Variants in ZNF596 observed in about 807,000 individuals in gnomAD.
ZNF596 encodes zinc finger protein 596.
A neutral mutation model predicts 48.3 loss-of-function variants in ZNF596; 45 were observed. That is an observed-to-expected ratio of 0.93 (90% CI 0.73 to 1.19). The LOEUF (loss-of-function observed/expected upper bound fraction) is 1.19, where lower values mean the gene tolerates loss of function less well. Ranked by LOEUF, ZNF596 falls within the 50% of genes most tolerant of loss-of-function variation. The pLI, the probability that ZNF596 is intolerant of heterozygous loss-of-function variation, is 0.00. For synonymous variants in ZNF596, 270 were observed against 202.0 expected (o/e 1.34, Z -2.85); for missense variants, 848 against 599.7 (o/e 1.41, Z -4.32).
At position 245,398 on chromosome 8, in the gene ZNF596, C is replaced by T. The variant is rs1797025054; in HGVS notation, c.551C>T (p.Pro184Leu). ...YAFIQNSALR[P>L]HSVTHTREIT... ...TTTATCCAAAACTCTGCCCTTAGAC[C>T]ACACAGTGTGACTCACACTAGAGAG... The change falls in exon 6 of 6, where the codon CCA (proline) becomes CTA (leucine). Residue 184 changes from proline (P) to leucine (L), a missense_variant. Transcript: ENST00000398612. 3 of 1,614,120 alleles carry T rather than the reference C, an allele frequency of 1.9e-6. No individual in the cohort carries two copies. The highest frequency in any genetic ancestry group is 1.3e-5 in the African/African-American group (1 of 75,036).
Position 246,580 on chromosome 8 carries a change from A to G in ZNF596, c.*218A>G. On this transcript the variant is annotated 3_prime_UTR_variant, in exon 6 of 6. Coordinates refer to ENST00000398612, the MANE Select transcript of ZNF596 (RefSeq NM_001042416.3). ...ATACAACGTGAGAGAATGAAACTAT[A>G]GATCAAAGGAATGTGGAGGAGTCTT... 2.1e-6 allele frequency: 1 copy of G among 477,690 alleles called. No individual in the cohort carries two copies. The allele number at this position is 477,690 out of a possible 1,614,324, so 29.6% of individuals were successfully genotyped here.
chr8:245,554 C>G lies in ZNF596; in HGVS notation c.707C>G (p.Ser236Cys), dbSNP rs1364523425. ...HLCGKAFTHCSDLRKHERTHT... is the reference protein window; with the variant it reads ...HLCGKAFTHCCDLRKHERTHT... ...TGTGGGAAAGCCTTTACTCATTGCTCTGATCTTCGAAAACATGAGAGAACT... is the reference window on the plus strand; with the variant it reads ...TGTGGGAAAGCCTTTACTCATTGCTGTGATCTTCGAAAACATGAGAGAACT... The change falls in exon 6 of 6, where the codon TCT becomes TGT. Residue 236 changes from serine to cysteine, a missense_variant. Coordinates refer to ENST00000398612, the MANE Select transcript of ZNF596 (RefSeq NM_001042416.3). The G allele has an allele frequency of 6.2e-7, 1 of 1,614,022 alleles. No homozygotes were observed. Among genetic ancestry groups the G allele is most frequent in the African/African-American group, 1.3e-5 (1 of 75,010 alleles).
chr8:243,834 G>A (rs1178523590), intron 4 of ZNF596, 29 bp downstream of exon 4: 1 of 1,591,590 alleles, frequency 6.3e-7, no homozygotes. Context: ...TGCTTCAATA[G>A]GAGGAGGAGA....
chr8:243,056 TTCAC>T (rs749002628), intron 3 of ZNF596, 43 bp downstream of exon 3: 14 of 1,542,366 alleles, frequency 9.1e-6, no homozygotes, highest in East Asian at 4.6e-5. Context: ...TACGGATTCA[TTCAC>T]TCACTCATTT....
At chr8:240,972 A>C in intron 2 of ZNF596, 65 bp downstream of exon 2, 1 of 1,590,348 alleles carries the variant, frequency 6.3e-7, no homozygotes, top group Non-Finnish European at 8.6e-7. Flanking sequence ...GGGCAGATTC[A>C]TCCTATTAAC....
Position 240,812 on chromosome 8 carries a change from GT to G in ZNF596, c.-72-7del. ...TCATGGTTTTTTTGTTTTTGTTTTT[GT>G]TTTTGCTCAGATTTGTCTTCTTAGT... is the stretch of plus-strand genomic sequence containing the variant. On this transcript the variant is annotated splice_polypyrimidine_tract_variant and intron_variant, in intron 1 of 5. Coordinates refer to ENST00000398612, the MANE Select transcript of ZNF596 (RefSeq NM_001042416.3). The G allele has an allele frequency of 1.3e-6, 2 of 1,568,676 alleles. No homozygotes were observed. The highest frequency in any genetic ancestry group is 1.8e-6 in the Non-Finnish European group (2 of 1,140,406).
In ZNF596 at chr8:240,881, G is replaced by C; in HGVS notation, c.-15G>C. On this transcript the variant is annotated 5_prime_UTR_variant, in exon 2 of 6. Transcript: ENST00000398612. ...GAAAACCCAGAGGAATACATTTGGT[G>C]GCTGAGCTAGTACAATGCCATCACC... is the stretch of plus-strand genomic sequence containing the variant. 6.2e-7 allele frequency: 1 copy of C among 1,614,076 alleles called. No individual in the cohort carries two copies. The highest frequency in any genetic ancestry group is 8.5e-7 in the Non-Finnish European group (1 of 1,179,986).
chr8:243,236 C>T, intron 3 of ZNF596: 1 of 388,268 alleles, frequency 2.6e-6, no homozygotes. Context: ...ATCTTTCTGA[C>T]CACAGTTTCA....
Position 246,084 on chromosome 8 carries a change from C to CA in ZNF596, c.1238dup (p.His413GlnfsTer8), listed in dbSNP as rs1797072664. ...TGACCTCAGACGACATGAGAGAACT[C>CA]ACACTGGAGAAAAACCATATGAATG... On this transcript the variant is annotated frameshift_variant, in exon 6 of 6. Transcript: ENST00000398612. LOFTEE classifies it high-confidence loss of function. The CA allele has an allele frequency of 6.2e-7, 1 of 1,613,596 alleles. No homozygotes were observed. The highest frequency in any genetic ancestry group is 1.7e-5 in the Admixed American group (1 of 60,014).
chr8:232,706 G>C lies in ZNF596; in HGVS notation c.-73+12G>C, dbSNP rs933679912. On this transcript the variant is annotated intron_variant, in intron 1 of 5. Transcript: ENST00000398612. The stretch of plus-strand genomic sequence containing the variant: ...GCGCGCGGCCTCAGGTCCCGATTCG[G>C]CATGTGGCTTGTCTTCCATCGTCCC... 2.5e-6 allele frequency: 1 copy of C among 392,772 alleles called. No homozygotes were observed. Among genetic ancestry groups the C allele is most frequent in the Non-Finnish European group, 5.2e-6 (1 of 193,422 alleles). The allele number at this position is 392,772 out of a possible 1,614,324, so 24.3% of individuals were successfully genotyped here.
chr8:239,364 T>C (rs3008276), intron 1 of ZNF596, among the ~76,000 whole-genome samples: 44,360 of 151,976 alleles, frequency 0.29, 7,230 homozygotes, highest in African/African-American at 0.45. Context: ...AATTTTTGTA[T>C]TTTTAGTAGA....
intron 1 of ZNF596, chr8:237,046 A>C (rs1232091744): frequency 2.0e-5 from 3 of 152,210 alleles, no homozygotes; most frequent in Non-Finnish European, 4.4e-5. Flanking sequence ...TTAAACATTA[A>C]AATTGGCTAA....
chr8:235,223 A>G (rs1296924975), intron 1 of ZNF596, among the ~76,000 whole-genome samples: 2 of 152,244 alleles, frequency 1.3e-5, no homozygotes, highest in African/African-American at 4.8e-5. Context: ...TTGTTCACAG[A>G]ACATCTGTTC....
intron 2 of ZNF596, among the ~76,000 whole-genome samples, chr8:241,145 GT>G (rs143353122): frequency 0.017 from 2,519 of 152,202 alleles, 59 homozygotes; most frequent in African/African-American, 0.058. Context: ...GATGTGAGAG[GT>G]TTTTGTTTCT....
In ZNF596 at chr8:240,800, GTTTTTGT is replaced by G; in HGVS notation, c.-72-19_-72-13del. 25 of 1,499,562 alleles carry G rather than the reference GTTTTTGT, an allele frequency of 1.7e-5. No homozygotes were observed. The highest frequency in any genetic ancestry group is 2.1e-5 in the Non-Finnish European group (23 of 1,079,148). The allele number at this position is 1,499,562 out of a possible 1,614,324, so 92.9% of individuals were successfully genotyped here. ...AAAACTGGAGTGTCATGGTTTTTTT[GTTTTTGT>G]TTTTGTTTTTGCTCAGATTTGTCTT... On this transcript the variant is annotated splice_polypyrimidine_tract_variant and intron_variant, in intron 1 of 5. Transcript: ENST00000398612.
At chr8:236,380 C>G (rs563266551) in intron 1 of ZNF596, among the ~76,000 whole-genome samples, 3 of 152,156 alleles carry the variant, frequency 2.0e-5, no homozygotes, top group African/African-American at 7.2e-5. Context: ...AGTTGCAGCT[C>G]TTTGACTCCA....
intron 3 of ZNF596, 137 bp from the exon 4 acceptor site, chr8:243,585 G>A (rs2240379): frequency 0.064 from 45,164 of 701,026 alleles, 1,854 homozygotes; most frequent in Admixed American, 0.15. Context: ...GACTGTCAAT[G>A]TTGTCTTCAA....
chr8:246,112 A>C lies in ZNF596; in HGVS notation c.1265A>C (p.His422Pro), dbSNP rs780800565. The change falls in exon 6 of 6, where the codon CAT becomes CCT. Residue 422 changes from histidine (H) to proline (P), a missense_variant. Coordinates refer to ENST00000398612, the MANE Select transcript of ZNF596 (RefSeq NM_001042416.3). ...THTGEKPYECHLCGKAFNHSS... is the reference protein window; with the variant it reads ...THTGEKPYECPLCGKAFNHSS... ...ACTGGAGAAAAACCATATGAATGCC[A>C]TCTATGCGGAAAAGCCTTCAATCAC... 2 of 1,613,560 alleles carry C rather than the reference A, an allele frequency of 1.2e-6. No individual in the cohort carries two copies. Among genetic ancestry groups the C allele is most frequent in the East Asian group, 2.2e-5 (1 of 44,862 alleles).
intron 3 of ZNF596, 191 bp from the exon 4 acceptor site, chr8:243,531 T>G (rs1796937330): frequency 2.1e-6 from 1 of 467,828 alleles, no homozygotes; most frequent in Non-Finnish European, 3.8e-6. Context: ...ATAGGTCTTT[T>G]ATGTCTGGGA....
Sources: gnomAD v4.1 joint callset for allele counts (sites outside exome capture counted in the v4.1 genomes callset) on GRCh38, gnomAD v4.1.1 for gene constraint, MANE v1.5 for transcripts, NCBI Gene and HGNC (gene_info 2026-07-23, HGNC 2026-07-21) for gene names.